SLC35F1: variants seen among roughly 807,000 people sequenced by gnomAD.
The protein encoded by SLC35F1 is chromosome 6 open reading frame 169.
Under a neutral mutation model 48.7 loss-of-function variants are expected in SLC35F1, and 14 were observed. That is an observed-to-expected ratio of 0.29 (90% CI 0.19 to 0.45). The LOEUF (loss-of-function observed/expected upper bound fraction) is 0.45, where lower values mean the gene tolerates loss of function less well. Ranked by LOEUF, SLC35F1 falls within the 20% of genes least tolerant of loss-of-function variation. SLC35F1 has a pLI of 1.00. For synonymous variants in SLC35F1, 190 were observed against 202.2 expected (o/e 0.94, Z 0.51); for missense variants, 404 against 500.0 (o/e 0.81, Z 1.83).
At chr6:118,128,790 AC>A (rs1398122559) in intron 1 of SLC35F1, among the ~76,000 whole-genome samples, 1 of 151,836 alleles carries the variant, frequency 6.6e-6, no homozygotes. Context: ...GTGCACATGT[AC>A]CCAAAAACTT....
chr6:118,228,903 C>T (rs994172127), intron 2 of SLC35F1, among the ~76,000 whole-genome samples: 7 of 151,626 alleles, frequency 4.6e-5, no homozygotes, highest in African/African-American at 1.7e-4. Context: ...TGACACCACC[C>T]ATGAGATCCC....
intron 1 of SLC35F1, among the ~76,000 whole-genome samples, chr6:117,939,149 A>T (rs1776197736): frequency 6.6e-6 from 1 of 151,874 alleles, no homozygotes; most frequent in South Asian, 2.1e-4. Context: ...ACAGGCACGC[A>T]TCACCACAAC....
At chr6:118,266,903 C>A (rs41291932) in intron 3 of SLC35F1, 92 bp from the exon 4 acceptor site, 16 of 1,395,540 alleles carry the variant, frequency 1.1e-5, no homozygotes, top group Non-Finnish European at 1.5e-5. Flanking sequence ...AAAGGCAGAA[C>A]CCTTTCTGCA....
In SLC35F1 at chr6:117,935,838, T is replaced by G. The variant is rs945857056; in HGVS notation, c.173+27939T>G. Among the ~76,000 whole-genome samples, 4 of 152,340 alleles carry G rather than the reference T, an allele frequency of 2.6e-5. No homozygotes were observed. The South Asian group carries it at 8.3e-4, about 32-fold the overall frequency. On this transcript the variant is annotated intron_variant, in intron 1 of 7. Transcript: ENST00000360388. ...CTCAAATTTTTTGCCACTCTAGATGTATGTCTGTGAATGATCATGAAAGTG... is the reference window on the plus strand; with the variant it reads ...CTCAAATTTTTTGCCACTCTAGATGGATGTCTGTGAATGATCATGAAAGTG...
chr6:118,087,878 G>A lies in SLC35F1; in HGVS notation c.174-66567G>A, dbSNP rs137938710. ...TAGTGAGCACCTTTAGAAACATTTT[G>A]TTATCATGTTTATCTTTAATTGCCC... On this transcript the variant is annotated intron_variant, in intron 1 of 7. Coordinates refer to ENST00000360388, the MANE Select transcript of SLC35F1 (RefSeq NM_001029858.4). 7.9e-4 allele frequency among the ~76,000 whole-genome samples: 121 copies of A among 152,236 alleles called. 1 individual carries two copies. The highest frequency in any genetic ancestry group is 2.9e-3 in the African/African-American group (119 of 41,556).
Position 118,235,427 on chromosome 6 carries a change from G to A in SLC35F1, c.350-82G>A, listed in dbSNP as rs1173504643. 5.5e-6 allele frequency: 7 copies of A among 1,277,228 alleles called. No individual in the cohort carries two copies. The Admixed American group carries it at 9.1e-5, about 17-fold the overall frequency. The allele number at this position is 1,277,228 out of a possible 1,614,324, so 79.1% of individuals were successfully genotyped here. A position where few individuals can be genotyped will look rare whatever the true frequency, so the allele number is the denominator to read the frequency against. The stretch of plus-strand genomic sequence containing the variant: ...CTTTAGGTTAAAAATATATAATGTT[G>A]CAACATATTAGAATTCTTCTAAATG... On this transcript the variant is annotated intron_variant, in intron 2 of 7. Coordinates refer to ENST00000360388, the MANE Select transcript of SLC35F1 (RefSeq NM_001029858.4).
At chr6:118,129,668 G>A (rs1017030420) in intron 1 of SLC35F1, among the ~76,000 whole-genome samples, 4 of 152,142 alleles carry the variant, frequency 2.6e-5, no homozygotes, top group African/African-American at 9.7e-5. Flanking sequence ...GCTGCAAATA[G>A]ATTGGACCTA....
At chr6:118,239,681 C>T (rs983929602) in intron 3 of SLC35F1, among the ~76,000 whole-genome samples, 3 of 152,080 alleles carry the variant, frequency 2.0e-5, no homozygotes, top group African/African-American at 7.2e-5. Context: ...TATATCCATC[C>T]TGCCATCTTT....
At chr6:118,232,660 A>T (rs1775308348) in intron 2 of SLC35F1, among the ~76,000 whole-genome samples, 2 of 151,526 alleles carry the variant, frequency 1.3e-5, no homozygotes, top group Non-Finnish European at 2.9e-5. Context: ...GTGTATGCTG[A>T]GACTTCATTT....
chr6:118,181,675 T>C (rs1295123404), intron 2 of SLC35F1, among the ~76,000 whole-genome samples: 1 of 152,080 alleles, frequency 6.6e-6, no homozygotes, highest in Non-Finnish European at 1.5e-5. Flanking sequence ...ATTTTTAATA[T>C]TCTAGATGTA....
At chr6:117,966,131 G>GCCCCACC (rs1776561671) in intron 1 of SLC35F1, among the ~76,000 whole-genome samples, 1 of 101,102 alleles carries the variant, frequency 9.9e-6, no homozygotes, top group Non-Finnish European at 2.0e-5. Flanking sequence ...GCAGGCCACC[G>GCCCCACC]CCCCCCCCCC....
intron 1 of SLC35F1, among the ~76,000 whole-genome samples, chr6:118,067,836 C>G (rs1207126280): frequency 2.0e-5 from 3 of 151,934 alleles, no homozygotes; most frequent in Admixed American, 6.6e-5. Context: ...GTGCCCCACT[C>G]CTGAGTGTCT....
chr6:117,951,779 C>T (rs755576743), intron 1 of SLC35F1, among the ~76,000 whole-genome samples: 5 of 152,216 alleles, frequency 3.3e-5, no homozygotes, highest in Non-Finnish European at 5.9e-5. Context: ...GCTCTTTTGA[C>T]TGGAGCCTAA....
intron 2 of SLC35F1, among the ~76,000 whole-genome samples, chr6:118,172,389 T>G (rs1481990444): frequency 6.6e-6 from 1 of 152,108 alleles, no homozygotes; most frequent in Non-Finnish European, 1.5e-5. Context: ...CTACATATGG[T>G]TTTCTGCACT....
At chr6:118,226,944 T>G (rs1210113712) in intron 2 of SLC35F1, among the ~76,000 whole-genome samples, 3 of 152,216 alleles carry the variant, frequency 2.0e-5, no homozygotes, top group Non-Finnish European at 4.4e-5. Context: ...TTGTCAAATG[T>G]ACCCCCAAAA....
intron 1 of SLC35F1, among the ~76,000 whole-genome samples, chr6:117,941,505 A>C (rs1776232873): frequency 6.6e-6 from 1 of 152,240 alleles, no homozygotes; most frequent in African/African-American, 2.4e-5. Context: ...CAAATACTAC[A>C]ACAATGACCC....
intron 3 of SLC35F1, among the ~76,000 whole-genome samples, chr6:118,260,101 A>G (rs79307528): frequency 0.014 from 2,105 of 152,314 alleles, 56 homozygotes; most frequent in African/African-American, 0.047. Flanking sequence ...ACATCATGTT[A>G]AATGAAAGAA....
At chr6:118,040,282 G>A (rs990851284) in intron 1 of SLC35F1, among the ~76,000 whole-genome samples, 5 of 152,128 alleles carry the variant, frequency 3.3e-5, no homozygotes, top group Non-Finnish European at 7.3e-5. Flanking sequence ...TCTGGGCAAA[G>A]GTACAAGAGG....
At chr6:117,999,362 C>T in intron 1 of SLC35F1, 1 of 1,588,586 alleles carries the variant, frequency 6.3e-7, no homozygotes, top group Non-Finnish European at 8.5e-7. Flanking sequence ...GGCCAAGGAT[C>T]AAACCAAGGC....
Sources: gnomAD v4.1 joint callset for allele counts (sites outside exome capture counted in the v4.1 genomes callset) on GRCh38, gnomAD v4.1.1 for gene constraint, MANE v1.5 for transcripts, NCBI Gene and HGNC (gene_info 2026-07-23, HGNC 2026-07-21) for gene names.